Variants in SH2B2 observed in about 807,000 individuals in gnomAD.
SH2B2 encodes the protein SH2B adapter protein 2.
In SH2B2, 37 loss-of-function variants were observed where a neutral mutation model predicts 35.7. That is an observed-to-expected ratio of 1.04 (90% CI 0.80 to 1.36). The LOEUF is 1.36. SH2B2 is among the 40% of genes most tolerant of loss of function. The pLI is 0.00. For missense variants in SH2B2, 852 were observed against 817.7 expected (o/e 1.04, Z -0.51); for synonymous variants, 383 against 376.4 (o/e 1.02, Z -0.20).
chr7:102,317,500 A>T, intron 7 of SH2B2, 105 bp downstream of exon 7: 1 of 1,121,636 alleles, frequency 8.9e-7, no homozygotes, highest in Non-Finnish European at 1.2e-6. Context: ...GCTGCAGGCG[A>T]ACAGGTGTGG....
chr7:102,317,399 A>G lies in SH2B2; in HGVS notation c.1395+4A>G, dbSNP rs782656583. 1.9e-6 allele frequency: 3 copies of G among 1,565,720 alleles called. No individual in the cohort carries two copies. The highest frequency in any genetic ancestry group is 1.3e-5 in the African/African-American group (1 of 74,120). Reference sequence around the variant, plus strand: ...CAACTTCCAGGGCAAGGCCAAGGCAAGTGTGTGGGGGGCGCCATGGGGGTG... The same window carrying G: ...CAACTTCCAGGGCAAGGCCAAGGCAGGTGTGTGGGGGGCGCCATGGGGGTG... On this transcript the variant is annotated splice_donor_region_variant and intron_variant, in intron 7 of 8. Coordinates refer to ENST00000444095, the MANE Select transcript of SH2B2 (RefSeq NM_001359228.2).
intron 1 of SH2B2, among the ~76,000 whole-genome samples, chr7:102,300,146 T>G (rs569955510): frequency 1.3e-5 from 2 of 152,308 alleles, no homozygotes; most frequent in South Asian, 4.1e-4. Flanking sequence ...GCCTCAGCCT[T>G]TCGATGGCTA....
chr7:102,291,457 T>C (rs1252606861), intron 1 of SH2B2, among the ~76,000 whole-genome samples: 1 of 152,098 alleles, frequency 6.6e-6, no homozygotes, highest in African/African-American at 2.4e-5. Flanking sequence ...AGACCACTAG[T>C]ACCTAATCAC....
chr7:102,306,000 C>T (rs540990531), intron 2 of SH2B2, among the ~76,000 whole-genome samples: 4 of 150,282 alleles, frequency 2.7e-5, no homozygotes, highest in East Asian at 3.9e-4. Context: ...CCTGATCAAG[C>T]GATCCTTCCA....
chr7:102,300,833 G>A lies in SH2B2; in HGVS notation c.283G>A (p.Glu95Lys), dbSNP rs1269716221. 6.8e-7 allele frequency: 1 copy of A among 1,463,484 alleles called. No individual in the cohort carries two copies. The highest frequency in any genetic ancestry group is 2.6e-5 in the East Asian group (1 of 39,012). 90.7% of individuals were successfully genotyped at this position (1,463,484 alleles called of 1,614,324 possible). Residue 95 changes from glutamate (E) to lysine (K), a missense_variant, in exon 2 of 9, where the codon GAG becomes AAG. By Grantham distance (56) the Glu-to-Lys change is moderately conservative. Coordinates refer to ENST00000444095, the MANE Select transcript of SH2B2 (RefSeq NM_001359228.2). ...PTTRGAAVSA[E>K]AMEPELADTS... ...GACTCGGGGCGCGGCCGTGAGCGCA[G>A]AGGCCATGGAGCCGGAGCTCGCGGA...
chr7:102,314,240 C>G (rs1405831648), intron 4 of SH2B2, 96 bp from the exon 5 acceptor site: 1 of 398,006 alleles, frequency 2.5e-6, no homozygotes, highest in Admixed American at 4.4e-5. Flanking sequence ...GATGCTGGGC[C>G]ATGGGACTGC....
At chr7:102,305,679 C>T (rs1055049106) in intron 2 of SH2B2, among the ~76,000 whole-genome samples, 1 of 152,044 alleles carries the variant, frequency 6.6e-6, no homozygotes, top group African/African-American at 2.4e-5. Context: ...TTTTTACCTG[C>T]GTATGTGTGT....
chr7:102,292,252 C>T (rs1367767634), intron 1 of SH2B2, among the ~76,000 whole-genome samples: 1 of 151,794 alleles, frequency 6.6e-6, no homozygotes, highest in Non-Finnish European at 1.5e-5. Context: ...TACCTGGGAC[C>T]GGGTGCACTG....
chr7:102,285,271 C>A (rs1554550663), upstream of SH2B2: 2 of 1,538,216 alleles, frequency 1.3e-6, no homozygotes, highest in East Asian at 2.4e-5. Flanking sequence ...TAGTCCACCG[C>A]GGGTCAGGCT....
intron 4 of SH2B2, chr7:102,309,355 C>CTTTTTTTTT (rs35826295): frequency 1.1e-5 from 2 of 184,154 alleles, no homozygotes; most frequent in African/African-American, 4.0e-5. Flanking sequence ...CTCTCTCTCT[C>CTTTTTTTTT]TTTTTTTTTT....
chr7:102,294,125 G>C (rs1337299672), intron 1 of SH2B2, among the ~76,000 whole-genome samples: 3 of 152,150 alleles, frequency 2.0e-5, no homozygotes, highest in Non-Finnish European at 4.4e-5. Context: ...CAACTTTCTG[G>C]GTTAAAGTCC....
At chr7:102,293,343 T>C (rs1279737215) in intron 1 of SH2B2, among the ~76,000 whole-genome samples, 4 of 149,834 alleles carry the variant, frequency 2.7e-5, no homozygotes, top group Admixed American at 6.7e-5. Flanking sequence ...TTGCTGGTCG[T>C]GGGGTTAGGA....
chr7:102,292,748 G>A (rs1317659545), intron 1 of SH2B2, among the ~76,000 whole-genome samples: 17 of 152,128 alleles, frequency 1.1e-4, no homozygotes, highest in Non-Finnish European at 2.2e-4. Flanking sequence ...GGTTCATTGG[G>A]GGGTAGGTGG....
intron 4 of SH2B2, among the ~76,000 whole-genome samples, chr7:102,311,554 C>CTTT (rs1171961750): frequency 1.9e-5 from 2 of 104,664 alleles, no homozygotes; most frequent in Non-Finnish European, 1.8e-5. Flanking sequence ...TGCAACTGGC[C>CTTT]TTTTTTTTTT....
intron 4 of SH2B2, among the ~76,000 whole-genome samples, chr7:102,310,739 C>T (rs1167727425): frequency 6.6e-6 from 1 of 152,230 alleles, no homozygotes; most frequent in Non-Finnish European, 1.5e-5. Context: ...TGTAATCCCT[C>T]CTCCACCGCC....
In SH2B2 at chr7:102,315,188, C is replaced by CA. The variant is rs1351873598; in HGVS notation, c.1186+516dup. Reference sequence around the variant, plus strand: ...TGGGCGACAGAGTGAGACTATGTCTCAAAAAAAAAAGAAAGAAAAGAAAAT... The same window carrying CA: ...TGGGCGACAGAGTGAGACTATGTCTCAAAAAAAAAAAGAAAGAAAAGAAAAT... On this transcript the variant is annotated intron_variant, in intron 6 of 8. Transcript: ENST00000444095. Among the ~76,000 whole-genome samples, 159 of 142,268 alleles carry CA rather than the reference C, an allele frequency of 1.1e-3. 1 individual carries two copies. Among genetic ancestry groups the CA allele is most frequent in the African/African-American group, 3.8e-3 (145 of 38,596 alleles). 93.3% of individuals were successfully genotyped at this position (142,268 alleles called of 152,430 possible).
chr7:102,320,419 A>G lies in SH2B2; in HGVS notation c.1484A>G (p.His495Arg). 6.2e-7 allele frequency: 1 copy of G among 1,613,532 alleles called. No individual in the cohort carries two copies. Among genetic ancestry groups the G allele is most frequent in the Non-Finnish European group, 8.5e-7 (1 of 1,179,832 alleles). The change falls in exon 8 of 9, where the codon CAC (histidine) becomes CGC (arginine). Residue 495 changes from histidine (H) to arginine (R), a missense_variant. Transcript: ENST00000444095. ...GTGCTTGACATGCTCCGCCACTTCC[A>G]CACACACCCCATCCCACTGGAGTCA... ...QSVLDMLRHF[H>R]THPIPLESGG... is the part of the protein sequence containing the mutation.
At chr7:102,301,589 C>T (rs181305624) in intron 2 of SH2B2, among the ~76,000 whole-genome samples, 12 of 149,940 alleles carry the variant, frequency 8.0e-5, no homozygotes, top group African/African-American at 2.2e-4. Flanking sequence ...TGTGCGCGCG[C>T]GTGTGTGTGT....
intron 1 of SH2B2, among the ~76,000 whole-genome samples, chr7:102,296,130 T>C (rs74467902): frequency 0.02 from 3,053 of 152,318 alleles, 111 homozygotes; most frequent in African/African-American, 0.071. Flanking sequence ...AGCCCTGTTC[T>C]GTCCCTGGGG....
Sources: allele counts gnomAD v4.1 joint callset (sites outside exome capture counted in the v4.1 genomes callset), GRCh38; gene constraint gnomAD v4.1.1; transcripts MANE v1.5; gene names NCBI Gene and HGNC (gene_info 2026-07-23, HGNC 2026-07-21).